Variants in NCKAP5 observed in about 807,000 individuals in gnomAD.
The protein encoded by NCKAP5 is nck-associated protein 5.
NCKAP5 carries 92 observed loss-of-function variants against 167.0 expected under a neutral mutation model. That is an observed-to-expected ratio of 0.55 (90% CI 0.47 to 0.66). NCKAP5 has a LOEUF of 0.66. NCKAP5 is among the 30% of genes least tolerant of loss of function. The pLI is 0.00. For missense variants in NCKAP5, 2,378 were observed against 2,315.0 expected (o/e 1.03, Z -0.56); for synonymous variants, 891 against 877.4 (o/e 1.02, Z -0.27).
intron 5 of NCKAP5, among the ~76,000 whole-genome samples, chr2:133,134,972 C>G (rs2117308): frequency 0.066 from 10,064 of 152,102 alleles, 660 homozygotes; most frequent in East Asian, 0.37. Context: ...CTTACTTGGC[C>G]CACAAATGTT....
At chr2:133,212,419 G>C (rs769608738) in intron 5 of NCKAP5, among the ~76,000 whole-genome samples, 31 of 152,266 alleles carry the variant, frequency 2.0e-4, no homozygotes, top group Non-Finnish European at 3.7e-4. Flanking sequence ...GGTCTTTGGA[G>C]TGCAATGGCA....
chr2:133,548,795 C>T (rs1252366397), intron 2 of NCKAP5, among the ~76,000 whole-genome samples: 12 of 152,140 alleles, frequency 7.9e-5, no homozygotes, highest in Admixed American at 3.9e-4. Context: ...TAAAGACCAT[C>T]GAGACTAGGA....
intron 3 of NCKAP5, among the ~76,000 whole-genome samples, chr2:133,395,961 C>A (rs745642283): frequency 6.6e-6 from 1 of 152,030 alleles, no homozygotes; most frequent in Non-Finnish European, 1.5e-5. Flanking sequence ...CTCTACTCAA[C>A]GTACCATTTT....
chr2:132,690,094 AT>A (rs1211576254), intron 19 of NCKAP5, among the ~76,000 whole-genome samples: 5 of 151,978 alleles, frequency 3.3e-5, no homozygotes, highest in Non-Finnish European at 5.9e-5. Context: ...GTTCAATGTT[AT>A]TTTTTTATAA....
the NCKAP5 span, among the ~76,000 whole-genome samples, chr2:133,596,562 G>A: frequency 5.3e-5 from 8 of 152,204 alleles, no homozygotes; most frequent in Non-Finnish European, 8.8e-5. Context: ...TGGATGTGGG[G>A]GATACAGTAG....
At chr2:133,075,781 A>T (rs1016646800) in intron 6 of NCKAP5, among the ~76,000 whole-genome samples, 2 of 152,140 alleles carry the variant, frequency 1.3e-5, no homozygotes, top group Admixed American at 1.3e-4. Flanking sequence ...CATAAAAGGG[A>T]AAGAGAGGAG....
Position 133,474,112 on chromosome 2 carries a change from A to ATATCTATCTATCTATC in NCKAP5, c.69+43330_69+43345dup, listed in dbSNP as rs10668136. ...CAGATGAATGGATAAAGAAAATGTG[A>ATATCTATCTATCTATC]TATCTATCTATCTATCTATCTATCT... On this transcript the variant is annotated intron_variant, in intron 3 of 19. Coordinates refer to ENST00000409261, the MANE Select transcript of NCKAP5 (RefSeq NM_207363.3). Among the ~76,000 whole-genome samples the ATATCTATCTATCTATC allele has an allele frequency of 6.3e-3, 874 of 137,928 alleles. 8 individuals are homozygous for ATATCTATCTATCTATC. The highest frequency in any genetic ancestry group is 0.011 in the East Asian group (51 of 4,748). The allele number at this position is 137,928 out of a possible 152,430, so 90.5% of individuals were successfully genotyped here.
chr2:133,168,133 T>C (rs2084078182), intron 5 of NCKAP5, among the ~76,000 whole-genome samples: 1 of 152,180 alleles, frequency 6.6e-6, no homozygotes, highest in Non-Finnish European at 1.5e-5. Context: ...GGTCAAGGAA[T>C]GTGTTCAAAG....
In NCKAP5 at chr2:133,058,325, G is replaced by A. The variant is rs76427208; in HGVS notation, c.342-64086C>T. Reference sequence around the variant, plus strand: ...AAATATTTTTTATAAGGCTATAGCTGCCACAGATAGTGATTCCTCTGATCC... The same window carrying A: ...AAATATTTTTTATAAGGCTATAGCTACCACAGATAGTGATTCCTCTGATCC... On this transcript the variant is annotated intron_variant, in intron 6 of 19. Transcript: ENST00000409261. Among the ~76,000 whole-genome samples the A allele has an allele frequency of 6.0e-3, 915 of 152,258 alleles. 10 individuals carry two copies. The highest frequency in any genetic ancestry group is 0.021 in the African/African-American group (858 of 41,542).
rs368526094 is a variant in NCKAP5, at chr2:132,784,527, T to C, written c.2284A>G (p.Arg762Gly). 134 of 1,568,624 alleles carry C rather than the reference T, an allele frequency of 8.5e-5. No homozygotes were observed. The highest frequency in any genetic ancestry group is 1.1e-4 in the Non-Finnish European group (129 of 1,157,838). The change falls in exon 14 of 20, where the codon AGG becomes GGG. Residue 762 changes from arginine to glycine, a missense_variant. Physicochemically the swap from Arg to Gly is moderately radical, Grantham distance 125 (BLOSUM62 -2). This residue lies in a region of NCKAP5 where 1,049 missense variants were observed against 1,023.4 expected (regional missense o/e 1.02). Coordinates refer to ENST00000409261, the MANE Select transcript of NCKAP5 (RefSeq NM_207363.3). ...TGCTGAGGATTTTGTGTCACTGTCCTGGAGCTGAAAGATTCAGTGGACACC... is the reference window on the plus strand; with the variant it reads ...TGCTGAGGATTTTGTGTCACTGTCCCGGAGCTGAAAGATTCAGTGGACACC... ...PRVSTESFSS[R>G]TVTQNPQQQK...
intron 19 of NCKAP5, among the ~76,000 whole-genome samples, chr2:132,697,123 A>G (rs956057681): frequency 3.3e-5 from 5 of 152,198 alleles, no homozygotes; most frequent in Non-Finnish European, 7.3e-5. Flanking sequence ...CCTGGCCTCA[A>G]GGAATTTGCC....
chr2:133,549,030 G>A (rs1415775384), intron 2 of NCKAP5, among the ~76,000 whole-genome samples: 5 of 151,814 alleles, frequency 3.3e-5, no homozygotes, highest in South Asian at 2.1e-4. Flanking sequence ...AAGGATGGAG[G>A]AAGATCTACC....
rs369439665 is a variant in NCKAP5, at chr2:132,809,299, T to C, written c.808-12570A>G. 1.4e-3 allele frequency among the ~76,000 whole-genome samples: 210 copies of C among 152,284 alleles called. 3 individuals carry two copies. In the South Asian group the frequency reaches 0.015, roughly 11 times the overall value. The stretch of plus-strand genomic sequence containing the variant: ...TGTTAAGTCCATTTGTTCCAAGGTA[T>C]AGTTTACATCCATTGTTTCTTTGTT... On this transcript the variant is annotated intron_variant, in intron 11 of 19. Transcript: ENST00000409261.
chr2:132,835,493 G>C (rs1164892713), intron 11 of NCKAP5, among the ~76,000 whole-genome samples: 1 of 151,510 alleles, frequency 6.6e-6, no homozygotes, highest in Admixed American at 6.6e-5. Context: ...TTAGTATAAA[G>C]CTTTCGCCAT....
chr2:133,113,751 G>T (rs563222678), intron 6 of NCKAP5, among the ~76,000 whole-genome samples: 6 of 152,326 alleles, frequency 3.9e-5, no homozygotes, highest in Admixed American at 3.9e-4. Context: ...AGCAGGCATG[G>T]GATGTGGACA....
intron 9 of NCKAP5, among the ~76,000 whole-genome samples, chr2:132,877,024 CAGG>C (rs1691333034): frequency 6.6e-6 from 1 of 152,158 alleles, no homozygotes; most frequent in Admixed American, 6.5e-5. Flanking sequence ...AATTTCTGTG[CAGG>C]AGGTTAAAGT....
intron 3 of NCKAP5, among the ~76,000 whole-genome samples, chr2:133,507,695 T>A (rs1202465736): frequency 6.6e-6 from 1 of 152,178 alleles, no homozygotes; most frequent in East Asian, 1.9e-4. Context: ...AGCGTTTGAA[T>A]ATGATGGCTC....
chr2:133,130,990 T>C (rs1039274451), intron 5 of NCKAP5, among the ~76,000 whole-genome samples: 3 of 152,200 alleles, frequency 2.0e-5, no homozygotes, highest in African/African-American at 7.2e-5. Context: ...GAGGGACATA[T>C]ATACTTAAAA....
At chr2:133,052,479 A>G (rs1005839728) in intron 6 of NCKAP5, among the ~76,000 whole-genome samples, 5 of 152,148 alleles carry the variant, frequency 3.3e-5, no homozygotes, top group Non-Finnish European at 7.4e-5. Flanking sequence ...GCTCTTTGGG[A>G]GGCCAAGGCA....
Sources: gnomAD v4.1 joint callset for allele counts (sites outside exome capture counted in the v4.1 genomes callset) on GRCh38, gnomAD v4.1.1 for gene constraint, gnomAD v4.1.1 regional missense constraint, MANE v1.5 for transcripts, NCBI Gene and HGNC (gene_info 2026-07-23, HGNC 2026-07-21) for gene names.